Variants in CD55 observed in about 807,000 individuals in gnomAD.
CD55 encodes complement decay-accelerating factor.
Under a neutral mutation model 45.8 loss-of-function variants are expected in CD55, and 41 were observed. The ratio of observed to expected loss-of-function variants is 0.90; its 90% CI spans 0.70 to 1.16. The LOEUF (loss-of-function observed/expected upper bound fraction) is 1.16, where lower values mean the gene tolerates loss of function less well. CD55 is among the 50% of genes most tolerant of loss of function. The pLI is 0.00. For synonymous variants in CD55, 181 were observed against 181.1 expected, an observed-to-expected ratio of 1.00 and a Z score of 0.01; for missense variants, 416 against 469.8, an observed-to-expected ratio of 0.89 and a Z score of 1.06.
chr1:207,322,450 G>C lies in CD55; in HGVS notation c.169G>C (p.Glu57Gln). ...PALEGRTSFP[E>Q]DTVITYKCEE... Reference sequence around the variant, plus strand: ...TTTGGAAGGCCGTACAAGTTTTCCCGAGGATACTGTAATAACGTACAAATG... The same window carrying C: ...TTTGGAAGGCCGTACAAGTTTTCCCCAGGATACTGTAATAACGTACAAATG... Residue 57 changes from glutamate to glutamine, a missense_variant, in exon 2 of 10, where the codon GAG becomes CAG. This residue lies in a region of CD55 where 123 missense variants were observed against 105.1 expected (regional missense o/e 1.17). Transcript: ENST00000367064. 1 of 1,614,210 alleles carries C rather than the reference G, an allele frequency of 6.2e-7. No homozygotes were observed. Among genetic ancestry groups the C allele is most frequent in the Non-Finnish European group, 8.5e-7 (1 of 1,180,030 alleles).
intron 6 of CD55, among the ~76,000 whole-genome samples, chr1:207,331,959 T>C (rs1316819207): frequency 1.3e-5 from 2 of 152,284 alleles, no homozygotes; most frequent in African/African-American, 4.8e-5. Flanking sequence ...CCAACATGAC[T>C]CAAGCATTTG....
intron 5 of CD55, among the ~76,000 whole-genome samples, chr1:207,328,233 T>G (rs1654774636): frequency 6.6e-6 from 1 of 152,216 alleles, no homozygotes; most frequent in South Asian, 2.1e-4. Flanking sequence ...TTCTATCCTC[T>G]CTGTGACTCA....
chr1:207,330,468 G>A (rs899061321), intron 5 of CD55, among the ~76,000 whole-genome samples: 3 of 151,848 alleles, frequency 2.0e-5, no homozygotes, highest in African/African-American at 7.3e-5. Flanking sequence ...TATTTTGTAA[G>A]TTCAGCTGCT....
rs191339786 is a variant in CD55, at chr1:207,331,464, A to G, written c.853+168A>G. 4.4e-3 allele frequency among the ~76,000 whole-genome samples: 511 copies of G among 116,410 alleles called. 4 individuals carry two copies. Among genetic ancestry groups the G allele is most frequent in the African/African-American group, 0.018 (482 of 27,000 alleles). The allele number at this position is 116,410 out of a possible 152,430, so 76.4% of individuals were successfully genotyped here. ...TTTCTACAGCTTCTCAGAAGGGTCT[A>G]TGGCTTGTATACACACACACACACA... is the stretch of plus-strand genomic sequence containing the variant. On this transcript the variant is annotated intron_variant, in intron 6 of 9. Coordinates refer to ENST00000367064, the MANE Select transcript of CD55 (RefSeq NM_000574.5).
chr1:207,336,020 C>T (rs1507760), intron 6 of CD55, among the ~76,000 whole-genome samples: 105,181 of 151,938 alleles, frequency 0.69, 36,865 homozygotes, highest in Middle Eastern at 0.83. Flanking sequence ...CAACAGGGGA[C>T]TTTGTATAAG....
chr1:207,326,187 A>G (rs981876169), intron 4 of CD55, among the ~76,000 whole-genome samples: 1 of 152,214 alleles, frequency 6.6e-6, no homozygotes, highest in Non-Finnish European at 1.5e-5. Context: ...GGGAGAAGGA[A>G]CTCATTCATT....
chr1:207,345,458 C>CT, intron 9 of CD55, among the ~76,000 whole-genome samples: 1 of 151,798 alleles, frequency 6.6e-6, no homozygotes, highest in Non-Finnish European at 1.5e-5. Flanking sequence ...TCATTAATAT[C>CT]CTGAATTGTT....
chr1:207,343,347 C>T (rs1370647431), intron 9 of CD55, among the ~76,000 whole-genome samples: 1 of 152,016 alleles, frequency 6.6e-6, no homozygotes, highest in Non-Finnish European at 1.5e-5. Flanking sequence ...ACTGCTTTTG[C>T]TATGTCTGAT....
chr1:207,354,165 G>T (rs1490691870), intron 9 of CD55: 2 of 1,419,808 alleles, frequency 1.4e-6, no homozygotes, highest in East Asian at 5.2e-5. Context: ...TATTAATGTA[G>T]TATCTGTCTA....
intron 9 of CD55, among the ~76,000 whole-genome samples, chr1:207,340,992 G>A (rs1158239823): frequency 1.3e-5 from 2 of 152,112 alleles, no homozygotes; most frequent in Admixed American, 6.5e-5. Context: ...TTCTAACTGA[G>A]GTTAAGAACT....
rs1654928276 is a variant in CD55, at chr1:207,331,204, A to G, written c.761A>G (p.Asn254Ser). The G allele has an allele frequency of 6.2e-7, 1 of 1,613,584 alleles. No homozygotes were observed. ...GYRQSVTYAC[N>S]KGFTMIGEHS... is the part of the protein sequence containing the mutation. The stretch of plus-strand genomic sequence containing the variant: ...AGACAGTCTGTAACGTATGCATGTA[A>G]TAAAGGATTCACCATGATTGGAGAG... The change falls in exon 6 of 10, where the codon AAT becomes AGT. Residue 254 changes from asparagine to serine, a missense_variant. By Grantham distance (46) the Asn-to-Ser change is conservative. Coordinates refer to ENST00000367064, the MANE Select transcript of CD55 (RefSeq NM_000574.5).
At chr1:207,324,943 T>A (rs1277733639) in intron 3 of CD55, among the ~76,000 whole-genome samples, 193 bp downstream of exon 3, 1 of 152,190 alleles carries the variant, frequency 6.6e-6, no homozygotes, top group Admixed American at 6.5e-5. Context: ...ATTCAAAAAT[T>A]TCACATTTAA....
intron 1 of CD55, 196 bp from the exon 2 acceptor site, chr1:207,322,186 G>A (rs532311164): frequency 2.8e-6 from 2 of 715,592 alleles, no homozygotes. Context: ...CAAAAAGCTG[G>A]TCTAAAAGGA....
Position 207,321,698 on chromosome 1 carries a change from C to A in CD55, c.-68C>A, listed in dbSNP as rs1654404881. On this transcript the variant is annotated 5_prime_UTR_variant, in exon 1 of 10. Transcript: ENST00000367064. ...GGCTTCTGCTTACTGCAACTCGCTC[C>A]GGCCGCTGGGCGTAGCTGCGACTCG... 2 of 1,216,186 alleles carry A rather than the reference C, an allele frequency of 1.6e-6. No homozygotes were observed. The highest frequency in any genetic ancestry group is 1.1e-6 in the Non-Finnish European group (1 of 898,190). 75.3% of individuals were successfully genotyped at this position (1,216,186 alleles called of 1,614,324 possible).
intron 3 of CD55, 120 bp from the exon 4 acceptor site, chr1:207,325,502 C>G: frequency 1.8e-6 from 1 of 561,864 alleles, no homozygotes; most frequent in Non-Finnish European, 3.2e-6. Context: ...TATATGTGCA[C>G]ATTGTGAAAT....
chr1:207,324,943 T>G (rs1277733639), intron 3 of CD55, among the ~76,000 whole-genome samples, 193 bp downstream of exon 3: 1 of 152,190 alleles, frequency 6.6e-6, no homozygotes, highest in Non-Finnish European at 1.5e-5. Flanking sequence ...ATTCAAAAAT[T>G]TCACATTTAA....
At chr1:207,356,825 G>A (rs1224658514) in intron 9 of CD55, among the ~76,000 whole-genome samples, 1 of 152,082 alleles carries the variant, frequency 6.6e-6, no homozygotes, top group Non-Finnish European at 1.5e-5. Context: ...AAGTATAAAT[G>A]TCACGATTGG....
At chr1:207,330,683 G>A (rs949578739) in intron 5 of CD55, among the ~76,000 whole-genome samples, 4 of 152,020 alleles carry the variant, frequency 2.6e-5, no homozygotes, top group South Asian at 2.1e-4. Flanking sequence ...CGCTTTCTCC[G>A]CTGTTCTCTC....
chr1:207,352,527 G>GTTGGT (rs1397125246), intron 9 of CD55, among the ~76,000 whole-genome samples: 1 of 152,090 alleles, frequency 6.6e-6, no homozygotes, highest in Admixed American at 6.6e-5. Flanking sequence ...CCAGTCGGAT[G>GTTGGT]TTGGTTTGAA....
Sources: gnomAD v4.1 joint callset for allele counts (sites outside exome capture counted in the v4.1 genomes callset) on GRCh38, gnomAD v4.1.1 for gene constraint, gnomAD v4.1.1 regional missense constraint, MANE v1.5 for transcripts, NCBI Gene and HGNC (gene_info 2026-07-23, HGNC 2026-07-21) for gene names.